The following ZNF449 variants were observed in gnomAD, a reference collection of about 807,000 sequenced individuals.
The protein encoded by ZNF449 is zinc finger protein 449.
A neutral mutation model predicts 32.6 loss-of-function variants in ZNF449; 4 were observed. The ratio of observed to expected loss-of-function variants is 0.12; its 90% CI spans 0.06 to 0.28. The LOEUF is 0.28. Ranked by LOEUF, ZNF449 falls within the 10% of genes least tolerant of loss-of-function variation. The pLI is 1.00. For synonymous variants in ZNF449, 123 were observed against 132.2 expected (o/e 0.93, Z 0.48); for missense variants, 275 against 383.2 (o/e 0.72, Z 2.36).
intron 2 of ZNF449, 59 bp from the exon 3 acceptor site, chrX:135,349,051 A>G: frequency 4.3e-6 from 5 of 1,159,561 alleles, no homozygotes; most frequent in Non-Finnish European, 5.9e-6. Context: ...ATTCTCATAC[A>G]ATTCTACTGG....
intron 3 of ZNF449, among the ~76,000 whole-genome samples, chrX:135,352,048 TTTTAC>T (rs1391838159): frequency 8.9e-6 from 1 of 112,425 alleles, no homozygotes; most frequent in East Asian, 2.8e-4. Flanking sequence ...TTACTTAAAC[TTTTAC>T]TTTAAACAAA....
At position 135,361,494 on chromosome X, in the gene ZNF449, A is replaced by G. The variant is rs1478384302; in HGVS notation, c.*418A>G. 8.7e-6 allele frequency: 1 copy of G among 114,706 alleles called. No individual in the cohort carries two copies. The highest frequency in any genetic ancestry group is 3.2e-5 in the African/African-American group (1 of 30,849). 9.5% of individuals were successfully genotyped at this position (114,706 alleles called of 1,213,427 possible). A position where few individuals can be genotyped will look rare whatever the true frequency, so the allele number is the denominator to read the frequency against. ...GTCATTATTAAAGATGATTATATTC[A>G]TTCAAAGCTTTAGATGTGTCCCATG... On this transcript the variant is annotated 3_prime_UTR_variant, in exon 5 of 5. Coordinates refer to ENST00000339249, the MANE Select transcript of ZNF449 (RefSeq NM_152695.6).
rs1556454123 is a variant in ZNF449 at position 135,361,554 on chromosome X, A to G, written c.*478A>G. 1 of 112,358 alleles carries G rather than the reference A, an allele frequency of 8.9e-6. No individual in the cohort carries two copies. The highest frequency in any genetic ancestry group is 3.2e-5 in the African/African-American group (1 of 30,857). The allele number at this position is 112,358 out of a possible 1,213,427, so 9.3% of individuals were successfully genotyped here. On this transcript the variant is annotated 3_prime_UTR_variant, in exon 5 of 5. Coordinates refer to ENST00000339249, the MANE Select transcript of ZNF449 (RefSeq NM_152695.6). ...AGGAGACAGTGAATTTTGTCAAACA[A>G]TAAAAATGTGTCAGGAACACAAGGA...
chrX:135,360,941 G>A lies in ZNF449; in HGVS notation c.1422G>A (p.Gln474=), dbSNP rs782751504. 1.7e-6 allele frequency: 2 copies of A among 1,211,579 alleles called. No individual in the cohort carries two copies. Among genetic ancestry groups the A allele is most frequent in the Non-Finnish European group, 1.1e-6 (1 of 895,365 alleles). Residue 474 remains glutamine, a synonymous_variant, in exon 5 of 5, where the codon CAG becomes CAA. Coordinates refer to ENST00000339249, the MANE Select transcript of ZNF449 (RefSeq NM_152695.6). The part of the protein sequence containing the change: ...KCNYCGKSFR[Q]RPSLVIHLRI... ...ATTATTGTGGGAAAAGTTTTAGACA[G>A]AGACCAAGCCTCGTTATTCATTTAA... is the stretch of plus-strand genomic sequence containing the variant.
intron 3 of ZNF449, among the ~76,000 whole-genome samples, chrX:135,351,692 C>T (rs1269568241): frequency 2.0e-5 from 2 of 99,200 alleles, no homozygotes. Context: ...AAAACAAAAC[C>T]GGGTTTATGT....
In ZNF449 at chrX:135,361,165, T is replaced by C. The variant is rs1242651828; in HGVS notation, c.*89T>C. ...AGCAGGCTGTTTGTCTTGGAAGCTT[T>C]TGTTTGAGCTTATAAGAACATAGAC... is the stretch of plus-strand genomic sequence containing the variant. On this transcript the variant is annotated 3_prime_UTR_variant, in exon 5 of 5. Transcript: ENST00000339249. 1 of 860,552 alleles carries C rather than the reference T, an allele frequency of 1.2e-6. No homozygotes were observed. Among genetic ancestry groups the C allele is most frequent in the African/African-American group, 2.1e-5 (1 of 48,597 alleles). 70.9% of individuals were successfully genotyped at this position (860,552 alleles called of 1,213,427 possible).
intron 2 of ZNF449, 149 bp downstream of exon 2, chrX:135,347,621 A>G: frequency 8.7e-7 from 1 of 1,153,263 alleles, no homozygotes. Context: ...TGAACTCAGC[A>G]AATGAGTCAG....
intron 3 of ZNF449, 87 bp downstream of exon 3, chrX:135,349,401 A>G: frequency 2.2e-6 from 2 of 896,114 alleles, no homozygotes; most frequent in South Asian, 2.4e-5. Context: ...AGAAACACCA[A>G]TTACTCAATG....
chrX:135,351,658 T>TAAAA (rs782046147), intron 3 of ZNF449, among the ~76,000 whole-genome samples: 2 of 49,501 alleles, frequency 4.0e-5, no homozygotes, highest in African/African-American at 7.8e-5. Context: ...TGAGGAATTC[T>TAAAA]AAAAAAAAAA....
At position 135,361,119 on chromosome X, in the gene ZNF449, T is replaced by G; in HGVS notation, c.*43T>G. 5 of 1,068,542 alleles carry G rather than the reference T, an allele frequency of 4.7e-6. No individual in the cohort carries two copies. The highest frequency in any genetic ancestry group is 6.2e-6 in the Non-Finnish European group (5 of 808,891). The allele number at this position is 1,068,542 out of a possible 1,213,427, so 88.1% of individuals were successfully genotyped here. A position where few individuals can be genotyped will look rare whatever the true frequency, so the allele number is the denominator to read the frequency against. On this transcript the variant is annotated 3_prime_UTR_variant, in exon 5 of 5. Coordinates refer to ENST00000339249, the MANE Select transcript of ZNF449 (RefSeq NM_152695.6). ...AGGTCTTACACAAATTGACACTAAC[T>G]CAAAAAAAATCTTAACCTGCAGCAG...
rs2084946005 is a variant in ZNF449 at position 135,361,264 on chromosome X, G to C, written c.*188G>C. ...TTCTAGAGTATTTATCTACTCCTGT[G>C]ATTTTCTTAGATTTGATTTCTTCTG... On this transcript the variant is annotated 3_prime_UTR_variant, in exon 5 of 5. Transcript: ENST00000339249. 6.3e-6 allele frequency: 2 copies of C among 317,069 alleles called. No individual in the cohort carries two copies. The highest frequency in any genetic ancestry group is 1.1e-4 in the Admixed American group (2 of 17,910). 26.1% of individuals were successfully genotyped at this position (317,069 alleles called of 1,213,427 possible).
intron 3 of ZNF449, among the ~76,000 whole-genome samples, chrX:135,357,670 G>A (rs1469748091): frequency 9.0e-6 from 1 of 111,505 alleles, no homozygotes; most frequent in Non-Finnish European, 1.9e-5. Context: ...CAGAAATTAA[G>A]TGCATACATG....
At chrX:135,354,144 G>T (rs2084903352) in intron 3 of ZNF449, among the ~76,000 whole-genome samples, 2 of 112,262 alleles carry the variant, frequency 1.8e-5, no homozygotes, top group African/African-American at 6.5e-5. Context: ...AACTTTAATA[G>T]ATATTGTCAA....
rs1345017294 is a variant in ZNF449, at chrX:135,347,555, A to G, written c.354+83A>G. On this transcript the variant is annotated intron_variant, in intron 2 of 4. Coordinates refer to ENST00000339249, the MANE Select transcript of ZNF449 (RefSeq NM_152695.6). The stretch of plus-strand genomic sequence containing the variant: ...GGGACTAGACCACACATTTGTCTCT[A>G]TGTCATTCCCCAGCCTCAAGATTTC... The G allele has an allele frequency of 8.5e-6, 10 of 1,180,229 alleles. No individual in the cohort carries two copies. In the African/African-American group the frequency reaches 1.2e-4, roughly 15 times the overall value.
intron 3 of ZNF449, 135 bp downstream of exon 3, chrX:135,349,449 C>T: frequency 1.6e-6 from 1 of 614,644 alleles, no homozygotes; most frequent in East Asian, 3.6e-5. Flanking sequence ...GAAAAAGTCT[C>T]TCTGGGAATA....
chrX:135,347,539 C>T, intron 2 of ZNF449, 67 bp downstream of exon 2: 3 of 1,191,157 alleles, frequency 2.5e-6, no homozygotes, highest in Non-Finnish European at 3.4e-6. Flanking sequence ...TGGGACTAGA[C>T]CACACATTTG....
intron 3 of ZNF449, among the ~76,000 whole-genome samples, chrX:135,356,601 AG>A (rs2084919103): frequency 9.0e-6 from 1 of 111,473 alleles, no homozygotes; most frequent in Non-Finnish European, 1.9e-5. Context: ...CCTATTGTGC[AG>A]TTGGAAATCC....
chrX:135,353,889 A>G (rs2084901651), intron 3 of ZNF449, among the ~76,000 whole-genome samples: 2 of 111,534 alleles, frequency 1.8e-5, no homozygotes, highest in African/African-American at 6.5e-5. Flanking sequence ...CCAGCAGTTA[A>G]TGTTTCTTCT....
At chrX:135,354,736 T>C (rs2084907455) in intron 3 of ZNF449, among the ~76,000 whole-genome samples, 1 of 111,153 alleles carries the variant, frequency 9.0e-6, no homozygotes, top group South Asian at 3.8e-4. Context: ...AATTTGGTGC[T>C]GTACATAAGG....
Sources: gnomAD v4.1 joint callset for allele counts (sites outside exome capture counted in the v4.1 genomes callset) on GRCh38, gnomAD v4.1.1 for gene constraint, MANE v1.5 for transcripts, NCBI Gene and HGNC (gene_info 2026-07-23, HGNC 2026-07-21) for gene names.